CAST: variants seen among roughly 807,000 people sequenced by gnomAD.
CAST encodes calpastatin, also known as MIR583 host.
In CAST, 76 loss-of-function variants were observed where a neutral mutation model predicts 119.6. That is an observed-to-expected ratio of 0.64 (90% CI 0.53 to 0.77). CAST has a LOEUF of 0.77. CAST is among the 30% of genes least tolerant of loss of function. The pLI is 0.00. For synonymous variants in CAST, 319 were observed against 331.6 expected, an observed-to-expected ratio of 0.96 and a Z score of 0.41; for missense variants, 953 against 946.5, an observed-to-expected ratio of 1.01 and a Z score of -0.09.
At chr5:96,137,508 A>T in the CAST span, among the ~76,000 whole-genome samples, 1 of 152,264 alleles carries the variant, frequency 6.6e-6, no homozygotes, top group Admixed American at 6.5e-5. Context: ...TAAATTGTCA[A>T]TTAGGTAGAT....
chr5:96,138,373 T>C, the CAST span, among the ~76,000 whole-genome samples: 1 of 152,034 alleles, frequency 6.6e-6, no homozygotes, highest in Admixed American at 6.6e-5. Flanking sequence ...CACATTGTCT[T>C]GATCTCTATA....
rs1036487927 is a variant in CAST at position 96,774,052 on chromosome 5, T to G, written c.*1436T>G. 2 of 152,392 alleles carry G rather than the reference T, an allele frequency of 1.3e-5. No individual in the cohort carries two copies. Among genetic ancestry groups the G allele is most frequent in the African/African-American group, 2.4e-5 (1 of 41,446 alleles). 9.4% of individuals were successfully genotyped at this position (152,392 alleles called of 1,614,324 possible). A position where few individuals can be genotyped will look rare whatever the true frequency, so the allele number is the denominator to read the frequency against. The stretch of plus-strand genomic sequence containing the variant: ...CTATGTCTCTATCCATCAGAAATAG[T>G]CATTATTCTATTTTTAAGGCAGCAA... On this transcript the variant is annotated 3_prime_UTR_variant, in exon 32 of 32. Coordinates refer to ENST00000675179, the MANE Select transcript of CAST (RefSeq NM_001750.7).
chr5:96,462,556 T>C, the CAST span, among the ~76,000 whole-genome samples: 3 of 152,140 alleles, frequency 2.0e-5, no homozygotes, highest in African/African-American at 4.8e-5. Flanking sequence ...AATCAATAAA[T>C]ATTCATCATC....
At chr5:96,107,421 G>C in the CAST span, among the ~76,000 whole-genome samples, 2 of 151,588 alleles carry the variant, frequency 1.3e-5, no homozygotes, top group Non-Finnish European at 2.9e-5. Flanking sequence ...CGGGCCTGGT[G>C]GTGACAAAAT....
the CAST span, among the ~76,000 whole-genome samples, chr5:96,374,954 G>A: frequency 1.3e-5 from 2 of 152,166 alleles, no homozygotes; most frequent in South Asian, 2.1e-4. Flanking sequence ...GTAGAAGATG[G>A]GCATTGTTCC....
At chr5:96,039,666 A>G in the CAST span, among the ~76,000 whole-genome samples, 1 of 152,148 alleles carries the variant, frequency 6.6e-6, no homozygotes, top group African/African-American at 2.4e-5. Context: ...CAAGTTTGTC[A>G]AAGATCAGAT....
chr5:96,520,523 G>A (rs1027263125), upstream of CAST, among the ~76,000 whole-genome samples: 2 of 152,054 alleles, frequency 1.3e-5, no homozygotes, highest in African/African-American at 4.8e-5. Flanking sequence ...GTGTGTTTGT[G>A]TCAGTGTGTG....
chr5:96,757,519 G>A, intron 23 of CAST, 25 bp downstream of exon 23: 1 of 1,613,242 alleles, frequency 6.2e-7, no homozygotes, highest in Non-Finnish European at 8.5e-7. Flanking sequence ...TTTCTCTGAG[G>A]ATATCTTTTC....
At chr5:96,606,794 A>G (rs1421767972) in intron 1 of CAST, among the ~76,000 whole-genome samples, 1 of 152,164 alleles carries the variant, frequency 6.6e-6, no homozygotes, top group Non-Finnish European at 1.5e-5. Flanking sequence ...TTACTCTAGA[A>G]CATTATACTA....
the CAST span, among the ~76,000 whole-genome samples, chr5:96,167,241 G>C: frequency 2.0e-5 from 3 of 152,174 alleles, no homozygotes; most frequent in African/African-American, 7.2e-5. Flanking sequence ...TGCTGGTTTG[G>C]GGATAGCACT....
At chr5:96,665,836 T>C (rs1749267860) in intron 1 of CAST, among the ~76,000 whole-genome samples, 1 of 152,134 alleles carries the variant, frequency 6.6e-6, no homozygotes, top group African/African-American at 2.4e-5. Flanking sequence ...CACACATGCA[T>C]GTATAATACA....
At chr5:96,262,827 G>T in the CAST span, among the ~76,000 whole-genome samples, 1 of 152,062 alleles carries the variant, frequency 6.6e-6, no homozygotes, top group Non-Finnish European at 1.5e-5. Flanking sequence ...GAGCCACCAC[G>T]CCCAGCCTAC....
In CAST at chr5:96,742,735, C is replaced by T; in HGVS notation, c.1179C>T (p.Arg393=). 1 of 1,613,440 alleles carries T rather than the reference C, an allele frequency of 6.2e-7. No homozygotes were observed. Among genetic ancestry groups the T allele is most frequent in the Non-Finnish European group, 8.5e-7 (1 of 1,179,398 alleles). Residue 393 remains arginine (R), a synonymous_variant, in exon 16 of 32, where the codon CGC becomes CGT. Coordinates refer to ENST00000675179, the MANE Select transcript of CAST (RefSeq NM_001750.7). ...TRQAEPELDL[R]SIKEVDEAKA... ...AAGCAGAACCTGAGCTCGACCTCCGCTCAATTAAGGAAGTCGATGAGGTAC... is the reference window on the plus strand; with the variant it reads ...AAGCAGAACCTGAGCTCGACCTCCGTTCAATTAAGGAAGTCGATGAGGTAC...
intron 1 of CAST, among the ~76,000 whole-genome samples, chr5:96,644,890 C>T (rs374753126): frequency 1.2e-4 from 19 of 152,208 alleles, no homozygotes; most frequent in African/African-American, 3.9e-4. Context: ...GCAGGAGAAT[C>T]GCTTGAGCCT....
At chr5:96,678,495 A>G (rs1750960891) in intron 2 of CAST, among the ~76,000 whole-genome samples, 1 of 152,190 alleles carries the variant, frequency 6.6e-6, no homozygotes, top group Non-Finnish European at 1.5e-5. Context: ...GGGTATAACC[A>G]GAAGAAAAAA....
the CAST span, among the ~76,000 whole-genome samples, chr5:96,317,386 A>T: frequency 6.9e-6 from 1 of 145,588 alleles, no homozygotes; most frequent in Non-Finnish European, 1.5e-5. Context: ...CTGAGGCAGG[A>T]GAATCGCTTG....
At chr5:95,979,365 T>C in the CAST span, among the ~76,000 whole-genome samples, 2 of 152,166 alleles carry the variant, frequency 1.3e-5, no homozygotes, top group Non-Finnish European at 2.9e-5. Context: ...AAAATAACTT[T>C]TAAGCTTTTG....
the CAST span, among the ~76,000 whole-genome samples, chr5:96,416,626 C>T: frequency 6.6e-6 from 1 of 152,104 alleles, no homozygotes; most frequent in African/African-American, 2.4e-5. Context: ...GAACAAGTCC[C>T]CTATTAAGCC....
intron 22 of CAST, 30 bp downstream of exon 22, chr5:96,754,771 A>T: frequency 8.2e-7 from 1 of 1,215,426 alleles, no homozygotes; most frequent in Non-Finnish European, 1.2e-6. Context: ...TTTCTATTTT[A>T]TTTTAATTCA....
Sources: allele counts gnomAD v4.1 joint callset (sites outside exome capture counted in the v4.1 genomes callset), GRCh38; gene constraint gnomAD v4.1.1; transcripts MANE v1.5; gene names NCBI Gene and HGNC (gene_info 2026-07-23, HGNC 2026-07-21).